Variants in FAR1 observed in about 807,000 individuals in gnomAD.
FAR1 encodes the protein fatty acyl-CoA reductase 1, also known as male sterility domain-containing protein 2.
A neutral mutation model predicts 61.1 loss-of-function variants in FAR1; 22 were observed. The ratio of observed to expected loss-of-function variants is 0.36; its 90% CI spans 0.26 to 0.51. FAR1 has a LOEUF of 0.51. Among genes scored for constraint, FAR1 ranks in the 20% least tolerant of loss-of-function variants. The pLI, the probability that FAR1 is intolerant of heterozygous loss-of-function variation, is 0.95. For missense variants in FAR1, 359 were observed against 626.9 expected (o/e 0.57, Z 4.56); for synonymous variants, 206 against 209.7 (o/e 0.98, Z 0.15).
At chr11:13,703,285 G>A (rs926013051) in intron 3 of FAR1, among the ~76,000 whole-genome samples, 2 of 152,218 alleles carry the variant, frequency 1.3e-5, no homozygotes, top group Non-Finnish European at 2.9e-5. Context: ...CTGGGTTCAA[G>A]TGATCGTCCC....
At chr11:13,708,437 G>A (rs541321293) in intron 4 of FAR1, among the ~76,000 whole-genome samples, 13 of 83,186 alleles carry the variant, frequency 1.6e-4, no homozygotes, top group Admixed American at 2.9e-4. Context: ...ATACATGTGC[G>A]CGCGCGCGCG....
intron 10 of FAR1, among the ~76,000 whole-genome samples, chr11:13,724,041 A>T (rs1033120053): frequency 6.6e-6 from 1 of 152,106 alleles, no homozygotes; most frequent in Non-Finnish European, 1.5e-5. Context: ...TAATTTTTTT[A>T]AAAAATATTT....
intron 5 of FAR1, 67 bp downstream of exon 5, chr11:13,710,937 A>G: frequency 8.0e-6 from 11 of 1,378,366 alleles, no homozygotes; most frequent in Non-Finnish European, 1.0e-5. Context: ...CTGTATAAAA[A>G]GAGCTGGCAG....
chr11:13,675,476 A>T (rs577691308), intron 1 of FAR1, among the ~76,000 whole-genome samples: 11 of 152,330 alleles, frequency 7.2e-5, no homozygotes, highest in Admixed American at 5.9e-4. Flanking sequence ...GTATCTCTCT[A>T]TCTTTATCTT....
chr11:13,706,330 AT>A (rs1848431307), intron 3 of FAR1, among the ~76,000 whole-genome samples: 1 of 152,016 alleles, frequency 6.6e-6, no homozygotes, highest in Non-Finnish European at 1.5e-5. Flanking sequence ...CTCTGAGTTA[AT>A]TTCAACAGGT....
At chr11:13,670,867 A>T (rs973129796) in intron 1 of FAR1, among the ~76,000 whole-genome samples, 39 of 152,182 alleles carry the variant, frequency 2.6e-4, no homozygotes, top group African/African-American at 9.4e-4. Flanking sequence ...AAGGTGGCCC[A>T]CTACCATATT....
intron 8 of FAR1, 164 bp downstream of exon 8, chr11:13,713,197 C>T: frequency 1.6e-6 from 1 of 640,294 alleles, no homozygotes; most frequent in Non-Finnish European, 2.8e-6. Context: ...ACCTTGTGGT[C>T]CTTAATAATG....
At chr11:13,710,262 TCA>T (rs1250224445) in intron 4 of FAR1, among the ~76,000 whole-genome samples, 1 of 152,096 alleles carries the variant, frequency 6.6e-6, no homozygotes, top group African/African-American at 2.4e-5. Context: ...CCAGAAGGTT[TCA>T]GATATATTTT....
intron 3 of FAR1, among the ~76,000 whole-genome samples, chr11:13,702,796 T>C (rs541121022): frequency 6.6e-6 from 1 of 152,254 alleles, no homozygotes; most frequent in African/African-American, 2.4e-5. Context: ...CAGGAAACAT[T>C]GATTAGGGTA....
intron 1 of FAR1, among the ~76,000 whole-genome samples, chr11:13,673,213 G>A (rs1848030414): frequency 6.6e-6 from 1 of 152,198 alleles, no homozygotes; most frequent in African/African-American, 2.4e-5. Context: ...ACTTATTACA[G>A]TCTCCTAAAC....
chr11:13,706,664 A>C (rs1848436633), intron 3 of FAR1, among the ~76,000 whole-genome samples: 1 of 152,144 alleles, frequency 6.6e-6, no homozygotes, highest in African/African-American at 2.4e-5. Flanking sequence ...TTTAAAAATA[A>C]CAATATATTG....
At chr11:13,682,451 C>G (rs941288908) in intron 1 of FAR1, among the ~76,000 whole-genome samples, 1 of 152,040 alleles carries the variant, frequency 6.6e-6, no homozygotes, top group African/African-American at 2.4e-5. Flanking sequence ...TATTTATTAT[C>G]CATGGCTGCT....
At position 13,730,443 on chromosome 11, in the gene FAR1, T is replaced by C. The variant is rs1450171791; in HGVS notation, c.*1669T>C. ...ATCTCTATATTCTTTGGAATGATAC[T>C]AAAGTCTCTGGTCTAGGACCATACC... is the stretch of plus-strand genomic sequence containing the variant. On this transcript the variant is annotated 3_prime_UTR_variant, in exon 12 of 12. Coordinates refer to ENST00000354817, the MANE Select transcript of FAR1 (RefSeq NM_032228.6). 1.3e-5 allele frequency: 2 copies of C among 152,324 alleles called. No homozygotes were observed. Among genetic ancestry groups the C allele is most frequent in the Non-Finnish European group, 1.5e-5 (1 of 67,938 alleles). 9.4% of individuals were successfully genotyped at this position (152,324 alleles called of 1,614,324 possible).
chr11:13,670,319 C>T (rs1182174131), intron 1 of FAR1, among the ~76,000 whole-genome samples: 1 of 148,992 alleles, frequency 6.7e-6, no homozygotes, highest in Non-Finnish European at 1.5e-5. Flanking sequence ...GTGTGTGTCT[C>T]GCTTTGTTGC....
Position 13,731,510 on chromosome 11 carries a change from G to T in FAR1, c.*2736G>T, listed in dbSNP as rs1848725599. On this transcript the variant is annotated 3_prime_UTR_variant, in exon 12 of 12. Transcript: ENST00000354817. The stretch of plus-strand genomic sequence containing the variant: ...CTATATTTCCATTATAGTATTTATT[G>T]TATTTTTATGTTCTGAAAATTACCC... 6.6e-6 allele frequency: 1 copy of T among 152,404 alleles called. No individual in the cohort carries two copies. Among genetic ancestry groups the T allele is most frequent in the Non-Finnish European group, 1.5e-5 (1 of 67,964 alleles). 9.4% of individuals were successfully genotyped at this position (152,404 alleles called of 1,614,324 possible).
In FAR1 at chr11:13,668,757, C is replaced by G. The variant is rs1179240047; in HGVS notation, c.-57C>G. On this transcript the variant is annotated 5_prime_UTR_variant, in exon 1 of 12. Coordinates refer to ENST00000354817, the MANE Select transcript of FAR1 (RefSeq NM_032228.6). ...GACGGCGGCGGCGGCGGCGGCGCAG[C>G]TATTGCTGGACGGCCAGTGGGAGAG... 6.4e-6 allele frequency: 1 copy of G among 156,274 alleles called. No homozygotes were observed. Among genetic ancestry groups the G allele is most frequent in the Non-Finnish European group, 1.4e-5 (1 of 70,686 alleles). The allele number at this position is 156,274 out of a possible 1,614,324, so 9.7% of individuals were successfully genotyped here.
chr11:13,723,380 A>G, intron 10 of FAR1: 1 of 418,142 alleles, frequency 2.4e-6, no homozygotes, highest in Non-Finnish European at 4.6e-6. Flanking sequence ...AAAAAAAAAA[A>G]AAACCCCAAA....
At position 13,721,571 on chromosome 11, in the gene FAR1, A is replaced by T; in HGVS notation, c.1128-159A>T. The T allele has an allele frequency of 1.8e-6, 1 of 565,580 alleles. No individual in the cohort carries two copies. Among genetic ancestry groups the T allele is most frequent in the Non-Finnish European group, 2.9e-6 (1 of 339,478 alleles). The allele number at this position is 565,580 out of a possible 1,614,324, so 35.0% of individuals were successfully genotyped here. ...TAAATTGTTCATCCAAGATGCAGAA[A>T]TAGTCTTATTCCCTGCTGATTTGGT... On this transcript the variant is annotated intron_variant, in intron 9 of 11. Transcript: ENST00000354817. This position sits in a 1 kb window ranked among gnomAD's most constrained non-coding sequence, Gnocchi z 4.2.
chr11:13,721,482 T>A lies in FAR1; in HGVS notation c.1128-248T>A. On this transcript the variant is annotated intron_variant, in intron 9 of 11. Transcript: ENST00000354817. The surrounding 1 kb of genome is among the most constrained non-coding windows in gnomAD (Gnocchi z 4.2). ...AATTCTGTATATCAGCAGAACTCTGTTTAGGTGGTATTAAATGCATTTGCT... is the reference window on the plus strand; with the variant it reads ...AATTCTGTATATCAGCAGAACTCTGATTAGGTGGTATTAAATGCATTTGCT... The A allele has an allele frequency of 2.8e-6, 1 of 358,190 alleles. No individual in the cohort carries two copies. Among genetic ancestry groups the A allele is most frequent in the Non-Finnish European group, 5.0e-6 (1 of 198,990 alleles). 22.2% of individuals were successfully genotyped at this position (358,190 alleles called of 1,614,324 possible). A position where few individuals can be genotyped will look rare whatever the true frequency, so the allele number is the denominator to read the frequency against.
Sources: gnomAD v4.1 joint callset for allele counts (sites outside exome capture counted in the v4.1 genomes callset) on GRCh38, gnomAD v4.1.1 for gene constraint, Gnocchi (gnomAD v3.1) non-coding constraint, MANE v1.5 for transcripts, NCBI Gene and HGNC (gene_info 2026-07-23, HGNC 2026-07-21) for gene names.